Variants in SYT13 observed in about 807,000 individuals in gnomAD.
The protein encoded by SYT13 is synaptotagmin 13.
SYT13 carries 21 observed loss-of-function variants against 38.6 expected under a neutral mutation model. The observed-to-expected ratio is 0.54, with a 90% CI of 0.39 to 0.78. The LOEUF (loss-of-function observed/expected upper bound fraction) is 0.78. SYT13 is among the 30% of genes least tolerant of loss of function. The pLI, the probability that SYT13 is intolerant of heterozygous loss-of-function variation, is 0.00. For missense variants in SYT13, 495 were observed against 548.7 expected, an observed-to-expected ratio of 0.90 and a Z score of 0.98; for synonymous variants, 241 against 237.6, an observed-to-expected ratio of 1.01 and a Z score of -0.13.
At chr11:45,281,206 A>G (rs1855067287) in intron 1 of SYT13, among the ~76,000 whole-genome samples, 1 of 151,796 alleles carries the variant, frequency 6.6e-6, no homozygotes, top group Non-Finnish European at 1.5e-5. Flanking sequence ...AAAAAAAAAA[A>G]GAAAGAAAGA....
At chr11:45,251,922 C>T (rs1170727703) in intron 4 of SYT13, among the ~76,000 whole-genome samples, 1 of 152,206 alleles carries the variant, frequency 6.6e-6, no homozygotes, top group Non-Finnish European at 1.5e-5. Context: ...TTGGTTAGGT[C>T]TCTCTTACAT....
In SYT13 at chr11:45,244,424, G is replaced by C; in HGVS notation, c.977-68C>G. 4 of 1,544,518 alleles carry C rather than the reference G, an allele frequency of 2.6e-6. No individual in the cohort carries two copies. In the Admixed American group the frequency reaches 5.3e-5, roughly 21 times the overall value. On this transcript the variant is annotated intron_variant, in intron 5 of 5. Coordinates refer to ENST00000020926, the MANE Select transcript of SYT13 (RefSeq NM_020826.3). ...AAGAGTGAGTTTCTGGGATCTGGCA[G>C]GGCCCAGGACAAAGCTCCCTCCTGG...
chr11:45,284,311 G>T (rs1352437710), intron 1 of SYT13, among the ~76,000 whole-genome samples: 1 of 152,186 alleles, frequency 6.6e-6, no homozygotes, highest in Non-Finnish European at 1.5e-5. Context: ...TAGCTGTGCA[G>T]CTCTAGGCAA....
chr11:45,244,303 G>C lies in SYT13; in HGVS notation c.1030C>G (p.Gln344Glu). Residue 344 changes from glutamine to glutamate, a missense_variant, in exon 6 of 6, where the codon CAG (glutamine) becomes GAG (glutamate). Coordinates refer to ENST00000020926, the MANE Select transcript of SYT13 (RefSeq NM_020826.3). The stretch of plus-strand genomic sequence containing the variant: ...ATCTTGTGCTTAGCTCGTTTAGTCT[G>C]CTTCTTCTTCAGCTTCCGAGCCTGG... ...KHQARKLKKK[Q>E]TKRAKHKINP... 6.2e-7 allele frequency: 1 copy of C among 1,613,992 alleles called. No homozygotes were observed. Among genetic ancestry groups the C allele is most frequent in the East Asian group, 2.2e-5 (1 of 44,892 alleles).
At chr11:45,277,931 A>C (rs1855028781) in intron 1 of SYT13, among the ~76,000 whole-genome samples, 1 of 152,190 alleles carries the variant, frequency 6.6e-6, no homozygotes, top group African/African-American at 2.4e-5. Flanking sequence ...TGAGAGCTGA[A>C]GATGGGTCAC....
intron 1 of SYT13, among the ~76,000 whole-genome samples, chr11:45,267,542 G>A (rs7123698): frequency 0.36 from 55,310 of 151,890 alleles, 10,750 homozygotes; most frequent in African/African-American, 0.5. Context: ...TGATTTGGGG[G>A]AGCCCCAAAC....
intron 1 of SYT13, among the ~76,000 whole-genome samples, chr11:45,263,349 G>C (rs995304742): frequency 1.3e-5 from 2 of 152,184 alleles, no homozygotes; most frequent in African/African-American, 2.4e-5. Context: ...CCTTACCAAA[G>C]ATGCTAGGTG....
intron 1 of SYT13, among the ~76,000 whole-genome samples, chr11:45,275,060 G>T (rs1211284472): frequency 2.0e-5 from 3 of 152,118 alleles, no homozygotes; most frequent in Admixed American, 2.0e-4. Context: ...GGTGGACTCA[G>T]CACCCTCCCC....
At chr11:45,255,469 T>A (rs1041765504) in intron 2 of SYT13, among the ~76,000 whole-genome samples, 197 bp downstream of exon 2, 29 of 152,198 alleles carry the variant, frequency 1.9e-4, no homozygotes, top group African/African-American at 6.8e-4. Flanking sequence ...GTTGGCGGTC[T>A]GGGGGAGAAG....
chr11:45,253,715 C>G (rs1401870448), intron 3 of SYT13, among the ~76,000 whole-genome samples: 1 of 152,150 alleles, frequency 6.6e-6, no homozygotes, highest in Non-Finnish European at 1.5e-5. Flanking sequence ...TGCTGTGTGT[C>G]CAGCACAAAG....
At chr11:45,265,826 A>T (rs1466440413) in intron 1 of SYT13, among the ~76,000 whole-genome samples, 1 of 152,156 alleles carries the variant, frequency 6.6e-6, no homozygotes, top group Non-Finnish European at 1.5e-5. Context: ...ATCAACCCAA[A>T]ATGTCATTAG....
intron 1 of SYT13, among the ~76,000 whole-genome samples, chr11:45,259,763 G>A (rs1026378816): frequency 2.0e-5 from 3 of 152,162 alleles, no homozygotes; most frequent in Non-Finnish European, 2.9e-5. Context: ...TGGAAGGGAG[G>A]GACTTGGATT....
intron 1 of SYT13, among the ~76,000 whole-genome samples, chr11:45,266,605 T>A (rs1854884878): frequency 6.6e-6 from 1 of 151,904 alleles, no homozygotes; most frequent in Admixed American, 6.6e-5. Flanking sequence ...CTGAGAGAGA[T>A]CCTCATTTTG....
intron 1 of SYT13, among the ~76,000 whole-genome samples, chr11:45,275,807 TGGG>T (rs35328907): frequency 6.6e-6 from 1 of 151,690 alleles, no homozygotes; most frequent in Non-Finnish European, 1.5e-5. Context: ...GCCTGGGTAT[TGGG>T]GGGAATTTTA....
At chr11:45,250,016 C>A (rs1223666198) in intron 4 of SYT13, among the ~76,000 whole-genome samples, 1 of 152,162 alleles carries the variant, frequency 6.6e-6, no homozygotes, top group African/African-American at 2.4e-5. Context: ...AGTCTGTTAA[C>A]CCATCTGGCC....
chr11:45,269,880 C>T (rs559782152), intron 1 of SYT13, among the ~76,000 whole-genome samples: 4 of 152,324 alleles, frequency 2.6e-5, no homozygotes, highest in African/African-American at 7.2e-5. Context: ...TCAAAACATT[C>T]TTTGTGTGGG....
At position 45,262,651 on chromosome 11, in the gene SYT13, G is replaced by A. The variant is rs545965215; in HGVS notation, c.184-6760C>T. 6.6e-5 allele frequency among the ~76,000 whole-genome samples: 10 copies of A among 151,712 alleles called. No individual in the cohort carries two copies. The South Asian group carries it at 1.9e-3, about 29-fold the overall frequency. On this transcript the variant is annotated intron_variant, in intron 1 of 5. Coordinates refer to ENST00000020926, the MANE Select transcript of SYT13 (RefSeq NM_020826.3). The stretch of plus-strand genomic sequence containing the variant: ...CGAGGTGGGAGGATCACTTGAACCC[G>A]GGAGGTGAAGGCTGTAGTGAGCCGA...
chr11:45,263,588 A>T (rs1470600214), intron 1 of SYT13, among the ~76,000 whole-genome samples: 1 of 152,212 alleles, frequency 6.6e-6, no homozygotes, highest in Non-Finnish European at 1.5e-5. Context: ...AGATGATGCC[A>T]ACCATGGGCC....
intron 5 of SYT13, among the ~76,000 whole-genome samples, chr11:45,245,773 T>C (rs1854606879): frequency 6.6e-6 from 1 of 152,184 alleles, no homozygotes; most frequent in Non-Finnish European, 1.5e-5. Flanking sequence ...TTTGGGTATA[T>C]GGGGCACAGA....
Sources: allele counts gnomAD v4.1 joint callset (sites outside exome capture counted in the v4.1 genomes callset), GRCh38; gene constraint gnomAD v4.1.1; transcripts MANE v1.5; gene names NCBI Gene and HGNC (gene_info 2026-07-23, HGNC 2026-07-21).